The following NR4A3 variants were observed in gnomAD, a reference collection of about 807,000 sequenced individuals.
NR4A3 encodes the protein chondrosarcoma, extraskeletal myxoid, fused to EWS.
In NR4A3, 13 loss-of-function variants were observed where a neutral mutation model predicts 55.6. The ratio of observed to expected loss-of-function variants is 0.23; its 90% CI spans 0.15 to 0.37. NR4A3 has a LOEUF of 0.37. Ranked by LOEUF, NR4A3 falls within the 10% of genes least tolerant of loss-of-function variation. The pLI is 1.00. For synonymous variants in NR4A3, 342 were observed against 357.9 expected (o/e 0.96, Z 0.50); for missense variants, 646 against 822.8 (o/e 0.79, Z 2.63).
chr9:99,828,018 G>T lies in NR4A3; in HGVS notation c.-2-23G>T. 1.3e-6 allele frequency: 2 copies of T among 1,593,500 alleles called. No homozygotes were observed. The highest frequency in any genetic ancestry group is 1.7e-6 in the Non-Finnish European group (2 of 1,168,356). The stretch of plus-strand genomic sequence containing the variant: ...AACAAGTGTTAACTTGCTTCTGAGA[G>T]ACCCTTTTCTCTGTCCCTGCAGATA... On this transcript the variant is annotated intron_variant, in intron 2 of 7. Transcript: ENST00000395097. The surrounding 1 kb of genome is among the most constrained non-coding windows in gnomAD (Gnocchi z 7.7).
chr9:99,855,763 CTGTT>C (rs1369573713), intron 7 of NR4A3, among the ~76,000 whole-genome samples: 1 of 152,014 alleles, frequency 6.6e-6, no homozygotes, highest in African/African-American at 2.4e-5. Flanking sequence ...GTGGGGAGTC[CTGTT>C]TGTTTGTGTT....
intron 2 of NR4A3, chr9:99,826,880 A>C: frequency 5.0e-6 from 7 of 1,393,054 alleles, no homozygotes; most frequent in Non-Finnish European, 7.1e-6. Flanking sequence ...GACTCCAAAG[A>C]GGCGTTAAGC....
intron 7 of NR4A3, among the ~76,000 whole-genome samples, chr9:99,856,520 A>G (rs1215486275): frequency 6.6e-6 from 1 of 152,144 alleles, no homozygotes; most frequent in Non-Finnish European, 1.5e-5. Context: ...GACCAATACC[A>G]ATTGGGGACC....
chr9:99,846,746 C>T, intron 6 of NR4A3, among the ~76,000 whole-genome samples: 1 of 152,188 alleles, frequency 6.6e-6, no homozygotes, highest in Admixed American at 6.5e-5. Flanking sequence ...CTCCCAGGTT[C>T]AAGTGATCCT....
At position 99,822,795 on chromosome 9, in the gene NR4A3, C is replaced by T. The variant is rs891364008; in HGVS notation, c.-177+388C>T. 3.9e-5 allele frequency among the ~76,000 whole-genome samples: 6 copies of T among 152,038 alleles called. No homozygotes were observed. Among genetic ancestry groups the T allele is most frequent in the African/African-American group, 1.4e-4 (6 of 41,386 alleles). ...CGGCAGCGGCAGGGAGTTGCAGCTCCGGTGATGAACGGCAGTAATTTTCCT... is the reference window on the plus strand; with the variant it reads ...CGGCAGCGGCAGGGAGTTGCAGCTCTGGTGATGAACGGCAGTAATTTTCCT... On this transcript the variant is annotated intron_variant, in intron 1 of 7. Coordinates refer to ENST00000395097, the MANE Select transcript of NR4A3 (RefSeq NM_006981.4). The surrounding 1 kb of genome is among the most constrained non-coding windows in gnomAD (Gnocchi z 4.9).
intron 3 of NR4A3, 127 bp downstream of exon 3, chr9:99,829,120 C>CA: frequency 5.4e-6 from 6 of 1,107,816 alleles, no homozygotes; most frequent in Non-Finnish European, 5.8e-6. Context: ...TGCTTTCCTA[C>CA]AGCCCTTCCT....
Position 99,863,813 on chromosome 9 carries a change from G to C in NR4A3, c.1827G>C (p.Leu609Phe). 8 of 1,613,832 alleles carry C rather than the reference G, an allele frequency of 5.0e-6. No homozygotes were observed. The highest frequency in any genetic ancestry group is 6.8e-6 in the Non-Finnish European group (8 of 1,179,914). The change falls in exon 8 of 8, where the codon TTG becomes TTC. Residue 609 changes from leucine to phenylalanine, a missense_variant. By Grantham distance (22) the Leu-to-Phe change is conservative. Coordinates refer to ENST00000395097, the MANE Select transcript of NR4A3 (RefSeq NM_006981.4). Reference sequence around the variant, plus strand: ...TCTTCTACCTGAAGCTGGAAGACTTGGTGTCTCCACCTTCCATCATTGACA... The same window carrying C: ...TCTTCTACCTGAAGCTGGAAGACTTCGTGTCTCCACCTTCCATCATTGACA... The part of the protein sequence containing the change: ...QRIFYLKLED[L>F]VSPPSIIDKL...
In NR4A3 at chr9:99,864,142, G is replaced by T. The variant is rs763432145; in HGVS notation, c.*275G>T. On this transcript the variant is annotated 3_prime_UTR_variant, in exon 8 of 8. Coordinates refer to ENST00000395097, the MANE Select transcript of NR4A3 (RefSeq NM_006981.4). Reference sequence around the variant, plus strand: ...GTTCATGAGGGTTTTCTAAGAAATTGCTAACAAAGCACTTTTGGACAATGC... The same window carrying T: ...GTTCATGAGGGTTTTCTAAGAAATTTCTAACAAAGCACTTTTGGACAATGC... 5.5e-6 allele frequency: 2 copies of T among 363,336 alleles called. No homozygotes were observed. The highest frequency in any genetic ancestry group is 1.0e-5 in the Non-Finnish European group (2 of 199,702). 22.5% of individuals were successfully genotyped at this position (363,336 alleles called of 1,614,324 possible). A position where few individuals can be genotyped will look rare whatever the true frequency, so the allele number is the denominator to read the frequency against.
rs748372726 is a variant in NR4A3, at chr9:99,864,048, T to C, written c.*181T>C. On this transcript the variant is annotated 3_prime_UTR_variant, in exon 8 of 8. Coordinates refer to ENST00000395097, the MANE Select transcript of NR4A3 (RefSeq NM_006981.4). Reference sequence around the variant, plus strand: ...TCCTTACAACCTAAAGCCAGAAAACTTGCAGAGTATTGTGTTGGGGTTGTG... The same window carrying C: ...TCCTTACAACCTAAAGCCAGAAAACCTGCAGAGTATTGTGTTGGGGTTGTG... 1.5e-6 allele frequency: 1 copy of C among 654,480 alleles called. No homozygotes were observed. Among genetic ancestry groups the C allele is most frequent in the East Asian group, 2.8e-5 (1 of 35,136 alleles). 40.5% of individuals were successfully genotyped at this position (654,480 alleles called of 1,614,324 possible).
At position 99,828,242 on chromosome 9, in the gene NR4A3, G is replaced by A; in HGVS notation, c.200G>A (p.Ser67Asn). Residue 67 changes from serine to asparagine, a missense_variant, in exon 3 of 8, where the codon AGC (serine) becomes AAC (asparagine). Transcript: ENST00000395097. The surrounding 1 kb of genome is among the most constrained non-coding windows in gnomAD (Gnocchi z 7.7). ...AGTACCTTCGTGGAGGGCTACTCGA[G>A]CAACTACGAACTCAAGCCTTCCTGC... is the stretch of plus-strand genomic sequence containing the variant. ...SISTFVEGYS[S>N]NYELKPSCVY... 1 of 1,614,022 alleles carries A rather than the reference G, an allele frequency of 6.2e-7. No homozygotes were observed. Among genetic ancestry groups the A allele is most frequent in the Non-Finnish European group, 8.5e-7 (1 of 1,180,000 alleles).
Position 99,828,703 on chromosome 9 carries a change from C to T in NR4A3, c.661C>T (p.Leu221Phe). The T allele has an allele frequency of 7.6e-7, 1 of 1,318,866 alleles. No individual in the cohort carries two copies. The highest frequency in any genetic ancestry group is 3.1e-5 in the East Asian group (1 of 31,852). The allele number at this position is 1,318,866 out of a possible 1,614,324, so 81.7% of individuals were successfully genotyped here. The change falls in exon 3 of 8, where the codon CTC becomes TTC. Residue 221 changes from leucine to phenylalanine, a missense_variant. This residue lies in a region of NR4A3 where 426 missense variants were observed against 429.4 expected (regional missense o/e 0.99). Transcript: ENST00000395097. This position sits in a 1 kb window ranked among gnomAD's most constrained non-coding sequence, Gnocchi z 7.7. ...LGYDPTAAAA[L>F]SLPLGAAAAA... Reference sequence around the variant, plus strand: ...CTACGACCCGACGGCCGCTGCCGCGCTCAGCCTGCCGCTGGGAGCCGCAGC... The same window carrying T: ...CTACGACCCGACGGCCGCTGCCGCGTTCAGCCTGCCGCTGGGAGCCGCAGC...
intron 6 of NR4A3, among the ~76,000 whole-genome samples, chr9:99,845,570 G>A (rs1827739487): frequency 6.6e-6 from 1 of 152,078 alleles, no homozygotes; most frequent in Non-Finnish European, 1.5e-5. Context: ...TTTAGGAGAT[G>A]ATACCAACTT....
Position 99,844,684 on chromosome 9 carries a change from T to A in NR4A3, c.1290T>A (p.Asp430Glu), listed in dbSNP as rs367709272. Residue 430 changes from aspartate (D) to glutamate (E), a missense_variant, in exon 6 of 8, where the codon GAT (aspartate) becomes GAA (glutamate). Around this residue, in one of 5 missense-constraint regions of NR4A3, gnomAD observed 163 missense variants for 233.0 expected, o/e 0.70. Transcript: ENST00000395097. ...CTGACCAGGCTGCTGCAGGCACAGA[T>A]GCTGAGCATGTGCAACAATTCTACA... ...CPTDQAAAGT[D>E]AEHVQQFYNL... 1.1e-5 allele frequency: 18 copies of A among 1,614,104 alleles called. No individual in the cohort carries two copies. The highest frequency in any genetic ancestry group is 3.3e-5 in the Admixed American group (2 of 60,014).
rs796574524 is a variant in NR4A3 at position 99,855,530 on chromosome 9, G to T, written c.1633+7915G>T. Among the ~76,000 whole-genome samples, 10 of 152,232 alleles carry T rather than the reference G, an allele frequency of 6.6e-5. No homozygotes were observed. The East Asian group carries it at 1.7e-3, about 26-fold the overall frequency. ...TTCCCTTACCCTCAAAGAGTCTGTG[G>T]TCTCACTGGAGAGAGAGACAGACAC... On this transcript the variant is annotated intron_variant, in intron 7 of 7. Coordinates refer to ENST00000395097, the MANE Select transcript of NR4A3 (RefSeq NM_006981.4).
chr9:99,836,782 C>G (rs1233824316), intron 5 of NR4A3, among the ~76,000 whole-genome samples: 2 of 152,206 alleles, frequency 1.3e-5, no homozygotes, highest in Admixed American at 6.5e-5. Context: ...TGGGGAACCC[C>G]CATACTGTTT....
At position 99,862,093 on chromosome 9, in the gene NR4A3, CAA is replaced by C. The variant is rs879732859; in HGVS notation, c.1634-1514_1634-1513del. Among the ~76,000 whole-genome samples, 279 of 135,642 alleles carry C rather than the reference CAA, an allele frequency of 2.1e-3. 1 individual carries two copies. The highest frequency in any genetic ancestry group is 7.2e-3 in the African/African-American group (265 of 36,804). The allele number at this position is 135,642 out of a possible 152,430, so 89.0% of individuals were successfully genotyped here. ...CAGGCAAGAGAGCAAGACCATGACT[CAA>C]AAAAAAAAAAAATTAATTTTGTAAA... On this transcript the variant is annotated intron_variant, in intron 7 of 7. Transcript: ENST00000395097.
chr9:99,832,636 C>A, intron 3 of NR4A3, 53 bp from the exon 4 acceptor site: 1 of 1,447,334 alleles, frequency 6.9e-7, no homozygotes, highest in Non-Finnish European at 9.3e-7. Flanking sequence ...CTTGTCAGGT[C>A]CTACCTCTTT....
At chr9:99,834,473 T>G (rs778602835) in intron 5 of NR4A3, among the ~76,000 whole-genome samples, 2 of 152,164 alleles carry the variant, frequency 1.3e-5, no homozygotes, top group African/African-American at 2.4e-5. Context: ...TCATTATCCC[T>G]CCTACTTGAA....
Position 99,828,664 on chromosome 9 carries a change from G to T in NR4A3, c.622G>T (p.Gly208Cys). 1 of 1,416,732 alleles carries T rather than the reference G, an allele frequency of 7.1e-7. No individual in the cohort carries two copies. Among genetic ancestry groups the T allele is most frequent in the Non-Finnish European group, 9.2e-7 (1 of 1,092,878 alleles). The allele number at this position is 1,416,732 out of a possible 1,614,324, so 87.8% of individuals were successfully genotyped here. A position where few individuals can be genotyped will look rare whatever the true frequency, so the allele number is the denominator to read the frequency against. Residue 208 changes from glycine to cysteine, a missense_variant, in exon 3 of 8, where the codon GGC becomes TGC. Transcript: ENST00000395097. This position sits in a 1 kb window ranked among gnomAD's most constrained non-coding sequence, Gnocchi z 7.7. The part of the protein sequence containing the change: ...PHPPAPSPAG[G>C]HHLGYDPTAA... ...TCCCCCCGCGCCCAGCCCGGCCGGC[G>T]GCCACCACCTCGGCTACGACCCGAC...
Sources: gnomAD v4.1 joint callset for allele counts (sites outside exome capture counted in the v4.1 genomes callset) on GRCh38, gnomAD v4.1.1 for gene constraint, gnomAD v4.1.1 regional missense constraint, Gnocchi (gnomAD v3.1) non-coding constraint, MANE v1.5 for transcripts, NCBI Gene and HGNC (gene_info 2026-07-23, HGNC 2026-07-21) for gene names.